NALF1: variants seen among roughly 807,000 people sequenced by gnomAD.
NALF1 encodes the protein NALCN channel auxiliary factor 1, also known as family with sequence similarity 155 member A.
In NALF1, 3 loss-of-function variants were observed where a neutral mutation model predicts 48.4. The observed-to-expected ratio is 0.06, with a 90% confidence interval of 0.03 to 0.16. The LOEUF (loss-of-function observed/expected upper bound fraction) is 0.16. Ranked by LOEUF, NALF1 falls within the 10% of genes least tolerant of loss-of-function variation. The pLI, the probability that NALF1 is intolerant of heterozygous loss-of-function variation, is 1.00. For synonymous variants in NALF1, 262 were observed against 245.7 expected (o/e 1.07, Z -0.62); for missense variants, 526 against 571.5 (o/e 0.92, Z 0.81).
intron 1 of NALF1, among the ~76,000 whole-genome samples, chr13:107,320,510 G>A (rs909124958): frequency 9.9e-5 from 15 of 151,984 alleles, no homozygotes; most frequent in Non-Finnish European, 2.1e-4. Flanking sequence ...TCAAGGGACC[G>A]AAATAATATT....
chr13:107,464,267 ACACT>A (rs1254840005), intron 1 of NALF1, among the ~76,000 whole-genome samples: 18 of 152,332 alleles, frequency 1.2e-4, no homozygotes, highest in African/African-American at 4.1e-4. Context: ...TATGCAACAA[ACACT>A]CAATAAAAGT....
At chr13:107,367,975 A>G (rs1247722366) in intron 1 of NALF1, among the ~76,000 whole-genome samples, 1 of 152,226 alleles carries the variant, frequency 6.6e-6, no homozygotes, top group Admixed American at 6.5e-5. Flanking sequence ...CTTTATGATA[A>G]TAAAAGGTGG....
At chr13:107,490,287 A>C (rs1885394722) in intron 1 of NALF1, among the ~76,000 whole-genome samples, 1 of 152,202 alleles carries the variant, frequency 6.6e-6, no homozygotes, top group Non-Finnish European at 1.5e-5. Context: ...TGTTCACTGC[A>C]GCACTATTCA....
At chr13:107,842,867 G>A (rs981763237) in intron 1 of NALF1, among the ~76,000 whole-genome samples, 8 of 151,978 alleles carry the variant, frequency 5.3e-5, no homozygotes, top group African/African-American at 9.7e-5. Context: ...GACATCTGCC[G>A]GTGTGATATT....
In NALF1 at chr13:107,779,311, C is replaced by T. The variant is rs9587437; in HGVS notation, c.915+86371G>A. ...TTTGCTCAGAACCAGAAAAGGCTACCTCTGATATCACCTTCATGACTACAT... is the reference window on the plus strand; with the variant it reads ...TTTGCTCAGAACCAGAAAAGGCTACTTCTGATATCACCTTCATGACTACAT... On this transcript the variant is annotated intron_variant, in intron 1 of 2. Coordinates refer to ENST00000375915, the MANE Select transcript of NALF1 (RefSeq NM_001080396.3). 2.4e-3 allele frequency among the ~76,000 whole-genome samples: 367 copies of T among 152,322 alleles called. 2 individuals carry two copies. Among genetic ancestry groups the T allele is most frequent in the African/African-American group, 8.5e-3 (353 of 41,570 alleles).
intron 1 of NALF1, among the ~76,000 whole-genome samples, chr13:107,748,051 G>C (rs527862819): frequency 6.6e-6 from 1 of 152,190 alleles, no homozygotes; most frequent in Admixed American, 6.5e-5. Flanking sequence ...TCATTCTAAC[G>C]TAACAACAAA....
At chr13:107,553,478 A>G (rs536812421) in intron 1 of NALF1, among the ~76,000 whole-genome samples, 3 of 152,322 alleles carry the variant, frequency 2.0e-5, no homozygotes, top group South Asian at 4.1e-4. Flanking sequence ...GAGTATTTAC[A>G]TGTGTAATTT....
At chr13:107,446,585 T>C (rs773176579) in intron 1 of NALF1, among the ~76,000 whole-genome samples, 1 of 152,214 alleles carries the variant, frequency 6.6e-6, no homozygotes, top group Non-Finnish European at 1.5e-5. Context: ...TGATATTGTT[T>C]ACTTGTTTAT....
At chr13:107,462,788 C>T (rs1055538033) in intron 1 of NALF1, among the ~76,000 whole-genome samples, 2 of 152,204 alleles carry the variant, frequency 1.3e-5, no homozygotes, top group East Asian at 3.9e-4. Context: ...GAAGCATGTG[C>T]TGTCTATAGA....
In NALF1 at chr13:107,315,656, G is replaced by A. The variant is rs1594116869; in HGVS notation, c.916-104901C>T. Among the ~76,000 whole-genome samples the A allele has an allele frequency of 3.3e-5, 5 of 151,862 alleles. No homozygotes were observed. In the South Asian group the frequency reaches 1.0e-3, roughly 32 times the overall value. On this transcript the variant is annotated intron_variant, in intron 1 of 2. Transcript: ENST00000375915. ...GAGACATTGAAACGTAATCCTTTCA[G>A]GTCTTCCACCCTTACCAAGAGTCAG...
chr13:107,211,227 G>T (rs1398927599), intron 1 of NALF1, among the ~76,000 whole-genome samples: 1 of 152,186 alleles, frequency 6.6e-6, no homozygotes, highest in Non-Finnish European at 1.5e-5. Flanking sequence ...GCCCAGCAGG[G>T]GTTGGGAAAC....
At chr13:107,659,583 A>G (rs1176673353) in intron 1 of NALF1, among the ~76,000 whole-genome samples, 2 of 151,882 alleles carry the variant, frequency 1.3e-5, no homozygotes, top group Non-Finnish European at 2.9e-5. Flanking sequence ...GTATTAAATA[A>G]TAAGAACCTC....
chr13:107,373,941 A>G (rs532229326), intron 1 of NALF1, among the ~76,000 whole-genome samples: 8 of 152,354 alleles, frequency 5.3e-5, no homozygotes, highest in African/African-American at 1.9e-4. Flanking sequence ...AATAGTTTTA[A>G]CATACTTAAT....
chr13:107,793,181 C>G (rs987331443), intron 1 of NALF1, among the ~76,000 whole-genome samples: 7 of 152,064 alleles, frequency 4.6e-5, no homozygotes, highest in African/African-American at 1.7e-4. Flanking sequence ...TGTTCTGTGC[C>G]CTTTTAACTC....
chr13:107,374,854 G>T (rs1883309651), intron 1 of NALF1, among the ~76,000 whole-genome samples: 1 of 152,084 alleles, frequency 6.6e-6, no homozygotes, highest in Admixed American at 6.6e-5. Context: ...CAGCAAGAAG[G>T]CTCTGACCAG....
chr13:107,208,275 G>A (rs1180463824), intron 2 of NALF1, among the ~76,000 whole-genome samples: 1 of 152,108 alleles, frequency 6.6e-6, no homozygotes. Context: ...CACGGAGATG[G>A]CACTTTTCTC....
intron 1 of NALF1, among the ~76,000 whole-genome samples, chr13:107,586,160 C>T (rs531456874): frequency 1.3e-3 from 199 of 152,182 alleles, no homozygotes; most frequent in Non-Finnish European, 2.1e-3. Context: ...AGAATTGTGG[C>T]ACCCTTGGAA....
intron 1 of NALF1, among the ~76,000 whole-genome samples, chr13:107,624,185 C>T (rs1307375185): frequency 6.6e-6 from 1 of 152,082 alleles, no homozygotes; most frequent in Non-Finnish European, 1.5e-5. Flanking sequence ...TCCAAAGCTA[C>T]CTACACACAA....
chr13:107,468,208 T>C (rs1313563835), intron 1 of NALF1, among the ~76,000 whole-genome samples: 1 of 152,118 alleles, frequency 6.6e-6, no homozygotes. Context: ...CAGAAGAAAA[T>C]TGTAGCGGTT....
Sources: gnomAD v4.1 joint callset for allele counts (sites outside exome capture counted in the v4.1 genomes callset) on GRCh38, gnomAD v4.1.1 for gene constraint, MANE v1.5 for transcripts, NCBI Gene and HGNC (gene_info 2026-07-23, HGNC 2026-07-21) for gene names.